Variants in MKKS observed in about 807,000 individuals in gnomAD.
The protein encoded by MKKS is MKKS centrosomal shuttling protein.
Under a neutral mutation model 33.2 loss-of-function variants are expected in MKKS, and 29 were observed. That is an observed-to-expected ratio of 0.87 (90% CI 0.65 to 1.19). The LOEUF is 1.19. Among genes scored for constraint, MKKS ranks in the 50% most tolerant of loss-of-function variants. The probability of loss-of-function intolerance (pLI) is 0.00; values close to 1 mark genes in which losing one functional copy is unlikely to be tolerated. For missense variants in MKKS, 661 were observed against 662.3 expected (o/e 1.00, Z 0.02); for synonymous variants, 260 against 244.0 (o/e 1.07, Z -0.61).
chr20:10,419,395 T>C (rs1393409334), intron 2 of MKKS, among the ~76,000 whole-genome samples: 4 of 152,278 alleles, frequency 2.6e-5, no homozygotes, highest in South Asian at 2.1e-4. Flanking sequence ...TATAACGCTA[T>C]ATTATAGTAA....
In MKKS at chr20:10,413,684, A is replaced by G. The variant is rs2064915248; in HGVS notation, c.-170T>C. On this transcript the variant is annotated 5_prime_UTR_variant, in exon 3 of 6. Coordinates refer to ENST00000347364, the MANE Select transcript of MKKS (RefSeq NM_170784.3). ...AAGTTCAATGTTTATGAAGCTAATC[A>G]GCATAGAATGATTTAATGACAAATT... 1 of 671,372 alleles carries G rather than the reference A, an allele frequency of 1.5e-6. No individual in the cohort carries two copies. Among genetic ancestry groups the G allele is most frequent in the Admixed American group, 2.8e-5 (1 of 35,604 alleles). 41.6% of individuals were successfully genotyped at this position (671,372 alleles called of 1,614,324 possible).
intron 3 of MKKS, among the ~76,000 whole-genome samples, chr20:10,411,456 C>T (rs938639780): frequency 2.0e-5 from 3 of 152,142 alleles, no homozygotes; most frequent in African/African-American, 7.2e-5. Flanking sequence ...CCAGTATTCA[C>T]AAACTGGAAA....
chr20:10,405,847 C>G (rs1255094612), intron 5 of MKKS, among the ~76,000 whole-genome samples, 160 bp from the exon 6 acceptor site: 1 of 152,092 alleles, frequency 6.6e-6, no homozygotes, highest in Non-Finnish European at 1.5e-5. Context: ...TATGGGTCAG[C>G]CGGCCGGGTT....
rs1600849566 is a variant in MKKS at position 10,413,423 on chromosome 20, C to T, written c.92G>A (p.Arg31Lys). The T allele has an allele frequency of 1.2e-6, 2 of 1,613,236 alleles. No homozygotes were observed. The highest frequency in any genetic ancestry group is 1.7e-6 in the Non-Finnish European group (2 of 1,179,268). ...RVRTTLSVLK[R>K]IVTSCYGPSG... ...GGGGCCATAGCATGATGTTACAATT[C>T]TTTTCAAGACAGAAAGTGTGGTCCT... Residue 31 changes from arginine (R) to lysine (K), a missense_variant, in exon 3 of 6, where the codon AGA becomes AAA. Arg to Lys is a conservative substitution (Grantham distance 26). Coordinates refer to ENST00000347364, the MANE Select transcript of MKKS (RefSeq NM_170784.3).
rs573354555 is a variant in MKKS at position 10,426,129 on chromosome 20, T to C, written c.-648-5371A>G. Among the ~76,000 whole-genome samples, 350 of 152,364 alleles carry C rather than the reference T, an allele frequency of 2.3e-3. 1 individual carries two copies. The highest frequency in any genetic ancestry group is 7.8e-3 in the African/African-American group (324 of 41,582). On this transcript the variant is annotated intron_variant, in intron 1 of 5. Transcript: ENST00000347364. ...TTTTGTTTTGCTTTCATAGCAACTTTATGAGATCATTTTATAAATGAAGAA... is the reference window on the plus strand; with the variant it reads ...TTTTGTTTTGCTTTCATAGCAACTTCATGAGATCATTTTATAAATGAAGAA...
intron 1 of MKKS, among the ~76,000 whole-genome samples, chr20:10,432,688 C>T (rs1433242510): frequency 6.8e-6 from 1 of 147,758 alleles, no homozygotes; most frequent in Non-Finnish European, 1.5e-5. Context: ...CAAACTTCTC[C>T]GGAGGCTAAG....
chr20:10,426,642 T>C (rs178363), intron 1 of MKKS, among the ~76,000 whole-genome samples: 152,290 of 152,360 alleles, frequency 1, 76,110 homozygotes, highest in Middle Eastern at 1. Context: ...AAGTGATATG[T>C]CCGCCTCAGC....
chr20:10,432,944 G>A (rs1038894568), intron 1 of MKKS, among the ~76,000 whole-genome samples: 1 of 152,112 alleles, frequency 6.6e-6, no homozygotes, highest in Non-Finnish European at 1.5e-5. Flanking sequence ...TTTAGGGAAT[G>A]ACAAGAAAAA....
chr20:10,404,320 C>T lies in MKKS; in HGVS notation c.*927G>A, dbSNP rs1455995524. 1 of 151,846 alleles carries T rather than the reference C, an allele frequency of 6.6e-6. No homozygotes were observed. Among genetic ancestry groups the T allele is most frequent in the African/African-American group, 2.4e-5 (1 of 41,322 alleles). 9.4% of individuals were successfully genotyped at this position (151,846 alleles called of 1,614,324 possible). A position where few individuals can be genotyped will look rare whatever the true frequency, so the allele number is the denominator to read the frequency against. ...TCCTTATTGTCCTTCCTTTTTCTAT[C>T]AGTCTATGGTTCTCAACCAACAACA... On this transcript the variant is annotated 3_prime_UTR_variant, in exon 6 of 6. Transcript: ENST00000347364.
At chr20:10,410,809 C>A (rs1184632455) in intron 3 of MKKS, among the ~76,000 whole-genome samples, 1 of 152,042 alleles carries the variant, frequency 6.6e-6, no homozygotes, top group African/African-American at 2.4e-5. Context: ...ACTTCATCTA[C>A]CTAAAAGTTT....
intron 1 of MKKS, among the ~76,000 whole-genome samples, chr20:10,424,929 T>C (rs1568672207): frequency 6.6e-6 from 1 of 151,972 alleles, no homozygotes; most frequent in Non-Finnish European, 1.5e-5. Context: ...GGCAGGCGCC[T>C]GTAATCCCAG....
At chr20:10,408,896 G>A in intron 3 of MKKS, 93 bp from the exon 4 acceptor site, 1 of 908,198 alleles carries the variant, frequency 1.1e-6, no homozygotes, top group Non-Finnish European at 1.7e-6. Flanking sequence ...CAACATAAAA[G>A]CCCCACAAGC....
At chr20:10,433,032 G>C (rs1253113209) in intron 1 of MKKS, among the ~76,000 whole-genome samples, 12 of 152,164 alleles carry the variant, frequency 7.9e-5, no homozygotes, top group Admixed American at 7.9e-4. Flanking sequence ...TTCTTAAATA[G>C]AGTCTCTGTC....
intron 1 of MKKS, among the ~76,000 whole-genome samples, chr20:10,425,666 A>G (rs1442510434): frequency 6.6e-6 from 1 of 152,248 alleles, no homozygotes; most frequent in Non-Finnish European, 1.5e-5. Context: ...TGAGTCTAAA[A>G]CAAAGATTTC....
In MKKS at chr20:10,401,329, T is replaced by C. The variant is rs1463348637; in HGVS notation, c.*3918A>G. The C allele has an allele frequency of 2.0e-5, 3 of 152,176 alleles. No homozygotes were observed. Among genetic ancestry groups the C allele is most frequent in the African/African-American group, 4.8e-5 (2 of 41,442 alleles). 9.4% of individuals were successfully genotyped at this position (152,176 alleles called of 1,614,324 possible). On this transcript the variant is annotated 3_prime_UTR_variant, in exon 6 of 6. Transcript: ENST00000347364. Reference sequence around the variant, plus strand: ...ATCTAAATTCAAATTCTGTAGATGATTGGCAAAAACTTCCATTATGGGATA... The same window carrying C: ...ATCTAAATTCAAATTCTGTAGATGACTGGCAAAAACTTCCATTATGGGATA...
At chr20:10,431,284 AAC>A (rs1274728196) in intron 1 of MKKS, among the ~76,000 whole-genome samples, 3 of 152,138 alleles carry the variant, frequency 2.0e-5, no homozygotes, top group Admixed American at 2.0e-4. Flanking sequence ...GACAAATCCA[AAC>A]ACAGTCATGT....
intron 1 of MKKS, among the ~76,000 whole-genome samples, chr20:10,432,992 T>C (rs2065064934): frequency 6.6e-6 from 1 of 152,170 alleles, no homozygotes; most frequent in Non-Finnish European, 1.5e-5. Flanking sequence ...AACCATCTTT[T>C]TTCCCCCAGA....
In MKKS at chr20:10,421,407, A is replaced by T. The variant is rs868674289; in HGVS notation, c.-648-649T>A. 2.2e-5 allele frequency among the ~76,000 whole-genome samples: 3 copies of T among 138,752 alleles called. No individual in the cohort carries two copies. In the South Asian group the frequency reaches 7.1e-4, roughly 33 times the overall value. 91.0% of individuals were successfully genotyped at this position (138,752 alleles called of 152,430 possible). On this transcript the variant is annotated intron_variant, in intron 1 of 5. Transcript: ENST00000347364. ...CCACTGCACTAGGCAACAGAATGAG[A>T]CTCCATCACAAAAAAAAAAAAAAAA...
Position 10,402,179 on chromosome 20 carries a change from CG to C in MKKS, c.*3067del, listed in dbSNP as rs1039591869. ...TCCCTTTCCTTTTCCACAGCGATCA[CG>C]GTTTCCCATTCTCTCTCCTGAGGTA... On this transcript the variant is annotated 3_prime_UTR_variant, in exon 6 of 6. Transcript: ENST00000347364. The C allele has an allele frequency of 2.6e-5, 4 of 152,218 alleles. No individual in the cohort carries two copies. In the East Asian group the frequency reaches 5.8e-4, roughly 22 times the overall value. 9.4% of individuals were successfully genotyped at this position (152,218 alleles called of 1,614,324 possible).
Sources: gnomAD v4.1 joint callset for allele counts (sites outside exome capture counted in the v4.1 genomes callset) on GRCh38, gnomAD v4.1.1 for gene constraint, MANE v1.5 for transcripts, NCBI Gene and HGNC (gene_info 2026-07-23, HGNC 2026-07-21) for gene names.